FRMD7: variants seen among roughly 807,000 people sequenced by gnomAD.
The protein encoded by FRMD7 is FERM domain containing 7, also known as FERM domain-containing protein 7.
FRMD7 carries 14 observed loss-of-function variants against 44.1 expected under a neutral mutation model. That is an observed-to-expected ratio of 0.32 (90% CI 0.21 to 0.50). FRMD7 has a LOEUF of 0.50. Among genes scored for constraint, FRMD7 ranks in the 20% least tolerant of loss-of-function variants. The pLI is 0.99. For missense variants in FRMD7, 501 were observed against 522.3 expected (o/e 0.96, Z 0.40); for synonymous variants, 212 against 187.4 (o/e 1.13, Z -1.07).
At chrX:132,100,931 T>C (rs1333278249) in intron 1 of FRMD7, among the ~76,000 whole-genome samples, 1 of 111,796 alleles carries the variant, frequency 8.9e-6, no homozygotes, top group African/African-American at 3.3e-5. Context: ...GAAAGCCTTA[T>C]AACAAACCAC....
chrX:132,105,472 T>A (rs1172072177), intron 1 of FRMD7, among the ~76,000 whole-genome samples: 1 of 111,556 alleles, frequency 9.0e-6, no homozygotes, highest in Non-Finnish European at 1.9e-5. Context: ...CCCATCAAAC[T>A]ACCAATGACA....
In FRMD7 at chrX:132,100,710, A is replaced by C; in HGVS notation, c.64T>G (p.Ser22Ala). 8.4e-7 allele frequency: 1 copy of C among 1,187,496 alleles called. No individual in the cohort carries two copies. Among genetic ancestry groups the C allele is most frequent in the Non-Finnish European group, 1.1e-6 (1 of 873,768 alleles). Residue 22 changes from serine to alanine, a missense_variant, in exon 2 of 12, where the codon TCA becomes GCA. Transcript: ENST00000298542. The part of the protein sequence containing the change: ...SQKIFVVDQK[S>A]SGKALFNLSC... ...AGGTTAAACAATGCCTTCCCGGATG[A>C]CTTTTGCTAAACAAAACAAAAAGAT... is the stretch of plus-strand genomic sequence containing the variant.
intron 1 of FRMD7, among the ~76,000 whole-genome samples, chrX:132,113,695 G>A (rs1928832612): frequency 9.0e-6 from 1 of 111,226 alleles, no homozygotes; most frequent in Admixed American, 9.6e-5. Context: ...TACAGGAGAT[G>A]TTTTGATACA....
At chrX:132,099,114 A>G in intron 3 of FRMD7, among the ~76,000 whole-genome samples, 1 of 111,941 alleles carries the variant, frequency 8.9e-6, no homozygotes, top group Non-Finnish European at 1.9e-5. Context: ...GTGACAGGAT[A>G]TAACTAAAGA....
chrX:132,111,844 T>A (rs1928785293), intron 1 of FRMD7, among the ~76,000 whole-genome samples: 1 of 112,127 alleles, frequency 8.9e-6, no homozygotes, highest in Non-Finnish European at 1.9e-5. Context: ...AATCTTGGTC[T>A]GCACTCCTTC....
At chrX:132,090,601 G>A (rs1928138281) in intron 5 of FRMD7, among the ~76,000 whole-genome samples, 1 of 111,300 alleles carries the variant, frequency 9.0e-6, no homozygotes, top group Admixed American at 9.5e-5. Flanking sequence ...ATGTCTTTTG[G>A]TGTGATGGAA....
In FRMD7 at chrX:132,078,019, A is replaced by G; in HGVS notation, c.1998T>C (p.Tyr666=). The G allele has an allele frequency of 1.7e-6, 2 of 1,210,545 alleles. No individual in the cohort carries two copies. Among genetic ancestry groups the G allele is most frequent in the Non-Finnish European group, 2.2e-6 (2 of 894,421 alleles). ...CCATGGGTGACCTTATTTCTTTGCCATACAAAGCATAGTAGTCTGGTTTAA... is the reference window on the plus strand; with the variant it reads ...CCATGGGTGACCTTATTTCTTTGCCGTACAAAGCATAGTAGTCTGGTTTAA... ...EILKPDYYAL[Y]GKEIRSPMAR... is the part of the protein sequence containing the mutation. Residue 666 remains tyrosine, a synonymous_variant, in exon 12 of 12, where the codon TAT becomes TAC. Coordinates refer to ENST00000298542, the MANE Select transcript of FRMD7 (RefSeq NM_194277.3).
intron 7 of FRMD7, 101 bp from the exon 8 acceptor site, chrX:132,084,686 C>T: frequency 1.9e-6 from 1 of 539,702 alleles, no homozygotes; most frequent in East Asian, 3.5e-5. Flanking sequence ...GAGGGACCGC[C>T]CTTGACCCAT....
intron 3 of FRMD7, among the ~76,000 whole-genome samples, chrX:132,098,463 T>C: frequency 8.9e-6 from 1 of 112,022 alleles, no homozygotes; most frequent in South Asian, 3.7e-4. Flanking sequence ...AGAAGAGTGA[T>C]GTGATCAGGT....
intron 1 of FRMD7, among the ~76,000 whole-genome samples, chrX:132,123,639 T>G (rs1002207433): frequency 2.7e-5 from 3 of 112,431 alleles, no homozygotes; most frequent in Non-Finnish European, 5.6e-5. Context: ...GCTTTCCTAC[T>G]TAACTTGAAC....
Position 132,078,083 on chromosome X carries a change from T to G in FRMD7, c.1934A>C (p.Tyr645Ser), listed in dbSNP as rs933190542. Residue 645 changes from tyrosine (Y) to serine (S), a missense_variant, in exon 12 of 12, where the codon TAT (tyrosine) becomes TCT (serine). Tyr to Ser is a moderately radical substitution (Grantham distance 144). Transcript: ENST00000298542. ...VLMDQSTAERYVASESSDSES... is the reference protein window; with the variant it reads ...VLMDQSTAERSVASESSDSES... ...AGAATCACTGGATTCACTAGCTACA[T>G]ACCTTTCTGCTGTACTTTGATCCAT... 2.5e-6 allele frequency: 3 copies of G among 1,209,930 alleles called. No homozygotes were observed. The highest frequency in any genetic ancestry group is 3.4e-6 in the Non-Finnish European group (3 of 895,019).
intron 1 of FRMD7, among the ~76,000 whole-genome samples, chrX:132,117,711 G>A (rs1167575438): frequency 9.0e-6 from 1 of 111,620 alleles, no homozygotes; most frequent in East Asian, 2.8e-4. Flanking sequence ...ACACCTTTTG[G>A]TGACCAACTT....
rs935137312 is a variant in FRMD7, at chrX:132,114,006, C to T, written c.58-13290G>A. Among the ~76,000 whole-genome samples the T allele has an allele frequency of 1.1e-4, 11 of 102,782 alleles. No individual in the cohort carries two copies. The East Asian group carries it at 3.6e-3, about 33-fold the overall frequency. The allele number at this position is 102,782 out of a possible 115,157, so 89.3% of individuals were successfully genotyped here. ...TTTATTATCTTTTCTCACCTTTGGA[C>T]TCTATCCTTGACTCACTTTTCCCAC... is the stretch of plus-strand genomic sequence containing the variant. On this transcript the variant is annotated intron_variant, in intron 1 of 11. Transcript: ENST00000298542.
chrX:132,113,317 C>G (rs754186284), intron 1 of FRMD7, among the ~76,000 whole-genome samples: 3 of 111,754 alleles, frequency 2.7e-5, no homozygotes, highest in Non-Finnish European at 5.6e-5. Flanking sequence ...ATATACCTAG[C>G]AATATGAGAT....
intron 1 of FRMD7, among the ~76,000 whole-genome samples, chrX:132,107,497 T>A (rs1027805742): frequency 9.0e-6 from 1 of 110,691 alleles, no homozygotes; most frequent in Admixed American, 9.6e-5. Flanking sequence ...TTCTCACATT[T>A]CTAGAGGCTG....
chrX:132,086,207 T>TG lies in FRMD7; in HGVS notation c.383-174dup, dbSNP rs201093387. Reference sequence around the variant, plus strand: ...ATGTTTCTATAGGGGTGTGTGTGTTTGGGGGGGGCAATTGGCTCTTTTTCA... The same window carrying TG: ...ATGTTTCTATAGGGGTGTGTGTGTTTGGGGGGGGGCAATTGGCTCTTTTTCA... On this transcript the variant is annotated intron_variant, in intron 5 of 11. Transcript: ENST00000298542. Among the ~76,000 whole-genome samples the TG allele has an allele frequency of 0.047, 5,101 of 109,228 alleles. 117 individuals carry two copies. The highest frequency in any genetic ancestry group is 0.096 in the East Asian group (330 of 3,420). The allele number at this position is 109,228 out of a possible 115,157, so 94.9% of individuals were successfully genotyped here.
At position 132,078,233 on chromosome X, in the gene FRMD7, T is replaced by A. The variant is rs951558941; in HGVS notation, c.1784A>T (p.Asp595Val). ...AAAAGGAAAACGAATAGTTTTCATG[T>A]CTGATTGGCTCTGGGACCTTTTAGG... is the stretch of plus-strand genomic sequence containing the variant. Reference protein sequence around the residue: ...QTPKRSQSQSDMKTIRFPFGS... With the variant: ...QTPKRSQSQSVMKTIRFPFGS... Residue 595 changes from aspartate to valine, a missense_variant, in exon 12 of 12, where the codon GAC becomes GTC. Transcript: ENST00000298542. The A allele has an allele frequency of 8.3e-7, 1 of 1,211,475 alleles. No individual in the cohort carries two copies. Among genetic ancestry groups the A allele is most frequent in the African/African-American group, 1.7e-5 (1 of 57,838 alleles).
chrX:132,083,322 T>C, intron 8 of FRMD7, among the ~76,000 whole-genome samples: 1 of 112,029 alleles, frequency 8.9e-6, no homozygotes, highest in Non-Finnish European at 1.9e-5. Flanking sequence ...TACAATGCTC[T>C]ATATTGCTCA....
chrX:132,092,494 A>G (rs900713286), intron 5 of FRMD7, among the ~76,000 whole-genome samples: 6 of 112,294 alleles, frequency 5.3e-5, no homozygotes, highest in African/African-American at 1.9e-4. Flanking sequence ...GTTAGAGTTT[A>G]GTGAAATAGT....
Sources: allele counts gnomAD v4.1 joint callset (sites outside exome capture counted in the v4.1 genomes callset), GRCh38; gene constraint gnomAD v4.1.1; transcripts MANE v1.5; gene names NCBI Gene and HGNC (gene_info 2026-07-23, HGNC 2026-07-21).